CYYR1: variants seen among roughly 807,000 people sequenced by gnomAD.
CYYR1 encodes cysteine and tyrosine rich 1, also known as cysteine and tyrosine-rich protein 1.
CYYR1 carries 14 observed loss-of-function variants against 15.2 expected under a neutral mutation model. That is an observed-to-expected ratio of 0.92 (90% CI 0.61 to 1.44). CYYR1 has a LOEUF of 1.44. CYYR1 is among the 40% of genes most tolerant of loss of function. The probability of loss-of-function intolerance (pLI) is 0.00; values close to 1 mark genes in which losing one functional copy is unlikely to be tolerated. For missense variants in CYYR1, 228 were observed against 209.5 expected (o/e 1.09, Z -0.54); for synonymous variants, 80 against 77.4 (o/e 1.03, Z -0.18).
At position 26,480,418 on chromosome 21, in the gene CYYR1, A is replaced by G. The variant is rs777306100; in HGVS notation, c.188T>C (p.Ile63Thr). The change falls in exon 3 of 4, where the codon ATT becomes ACT. Residue 63 changes from isoleucine (I) to threonine (T), a missense_variant. Coordinates refer to ENST00000652641, the MANE Select transcript of CYYR1 (RefSeq NM_001320768.2). ...YIGNILSGTA[I>T]AGIVFGIVFI... ...TACTATTCCAAAAACAATGCCCGCA[A>G]TTGCAGTGCCCCTAAAAGGAAAAAC... 5.0e-6 allele frequency: 8 copies of G among 1,611,734 alleles called. No individual in the cohort carries two copies. In the Admixed American group the frequency reaches 1.0e-4, roughly 20 times the overall value.
In CYYR1 at chr21:26,509,372, C is replaced by A. The variant is rs2065615105; in HGVS notation, c.177-28943G>T. Among the ~76,000 whole-genome samples the A allele has an allele frequency of 1.3e-5, 2 of 152,176 alleles. 1 individual carries two copies. Among genetic ancestry groups the A allele is most frequent in the South Asian group, 4.1e-4 (2 of 4,832 alleles). Reference sequence around the variant, plus strand: ...TGACCACTGAGTTAAAATTGTGGCACCTAAGCCTTAATAACTTCCTATCCC... The same window carrying A: ...TGACCACTGAGTTAAAATTGTGGCAACTAAGCCTTAATAACTTCCTATCCC... On this transcript the variant is annotated intron_variant, in intron 2 of 3. Transcript: ENST00000652641.
chr21:26,515,519 C>T (rs1299403455), intron 2 of CYYR1, among the ~76,000 whole-genome samples: 4 of 152,058 alleles, frequency 2.6e-5, no homozygotes, highest in Non-Finnish European at 5.9e-5. Flanking sequence ...TACCATCATG[C>T]CCGGCTAATT....
intron 2 of CYYR1, among the ~76,000 whole-genome samples, chr21:26,543,320 C>A (rs1472330958): frequency 6.6e-6 from 1 of 151,974 alleles, no homozygotes; most frequent in African/African-American, 2.4e-5. Context: ...TGCACATGTA[C>A]CCCAGAACTT....
At chr21:26,492,993 G>A (rs564029254) in intron 2 of CYYR1, among the ~76,000 whole-genome samples, 8 of 152,238 alleles carry the variant, frequency 5.3e-5, no homozygotes, top group Non-Finnish European at 1.2e-4. Flanking sequence ...ATGTGTGTGT[G>A]TGAAAGGGTA....
intron 2 of CYYR1, among the ~76,000 whole-genome samples, chr21:26,515,791 A>T (rs906180981): frequency 1.3e-5 from 2 of 152,220 alleles, no homozygotes; most frequent in African/African-American, 2.4e-5. Context: ...TCATTCACAC[A>T]AAAGACATGC....
intron 2 of CYYR1, among the ~76,000 whole-genome samples, chr21:26,530,168 G>A (rs1158462093): frequency 1.3e-5 from 2 of 152,126 alleles, no homozygotes; most frequent in Non-Finnish European, 1.5e-5. Context: ...TGTTCTGAAA[G>A]CCAACTGAGT....
At chr21:26,517,214 AATAAAATGAGTTATT>A (rs1313340210) in intron 2 of CYYR1, among the ~76,000 whole-genome samples, 1 of 151,918 alleles carries the variant, frequency 6.6e-6, no homozygotes, top group African/African-American at 2.4e-5. Flanking sequence ...GGTACCTATC[AATAAAATGAGTTATT>A]GTGAAAGAAA....
At chr21:26,501,105 C>A (rs1365370534) in intron 2 of CYYR1, among the ~76,000 whole-genome samples, 1 of 152,100 alleles carries the variant, frequency 6.6e-6, no homozygotes, top group Non-Finnish European at 1.5e-5. Context: ...TTTGGGAGGC[C>A]AAGGCAGGCA....
chr21:26,524,406 C>T (rs544622623), intron 2 of CYYR1, among the ~76,000 whole-genome samples: 10 of 152,104 alleles, frequency 6.6e-5, no homozygotes, highest in South Asian at 2.1e-4. Context: ...ATGTTTTGGC[C>T]GCTCCAATCA....
intron 1 of CYYR1, among the ~76,000 whole-genome samples, chr21:26,570,726 A>G (rs1316940638): frequency 6.6e-6 from 1 of 152,218 alleles, no homozygotes; most frequent in East Asian, 1.9e-4. Context: ...ATTTAATAGT[A>G]TGAACTATTT....
chr21:26,491,381 T>C (rs191033782), intron 2 of CYYR1, among the ~76,000 whole-genome samples: 1 of 152,280 alleles, frequency 6.6e-6, no homozygotes, highest in Admixed American at 6.5e-5. Flanking sequence ...ACTGGTTTTT[T>C]AATAGTGACT....
chr21:26,495,140 T>C (rs925471624), intron 2 of CYYR1, among the ~76,000 whole-genome samples: 2 of 152,228 alleles, frequency 1.3e-5, no homozygotes, highest in East Asian at 3.8e-4. Flanking sequence ...ACATAACTTA[T>C]GTTGCCTATG....
chr21:26,535,484 T>G (rs1256315194), intron 2 of CYYR1, among the ~76,000 whole-genome samples: 2 of 152,182 alleles, frequency 1.3e-5, no homozygotes, highest in Non-Finnish European at 1.5e-5. Context: ...ATTTTGCTAT[T>G]ATAAACAACA....
intron 2 of CYYR1, among the ~76,000 whole-genome samples, chr21:26,530,530 G>A (rs900971151): frequency 1.3e-5 from 2 of 151,926 alleles, no homozygotes; most frequent in African/African-American, 4.8e-5. Flanking sequence ...TGTTACATAT[G>A]TATACACGTG....
chr21:26,481,591 G>C (rs34802119), intron 2 of CYYR1, among the ~76,000 whole-genome samples: 2 of 151,756 alleles, frequency 1.3e-5, no homozygotes, highest in African/African-American at 4.8e-5. Context: ...AATATTCCAC[G>C]GTGTGTATGT....
intron 2 of CYYR1, among the ~76,000 whole-genome samples, chr21:26,486,460 T>C (rs1248333490): frequency 6.6e-6 from 1 of 152,010 alleles, no homozygotes; most frequent in Non-Finnish European, 1.5e-5. Context: ...TAGATTTAGG[T>C]TGAGGTTCAT....
chr21:26,562,189 G>A (rs1980248227), intron 2 of CYYR1, among the ~76,000 whole-genome samples: 2 of 152,068 alleles, frequency 1.3e-5, no homozygotes, highest in Admixed American at 1.3e-4. Flanking sequence ...TCGGGTAGTT[G>A]CCCTCATGTT....
At chr21:26,482,364 A>G (rs1209187729) in intron 2 of CYYR1, 5 of 985,198 alleles carry the variant, frequency 5.1e-6, no homozygotes, top group Admixed American at 6.2e-5. Context: ...CCACATTATC[A>G]GTAGCTTTTT....
chr21:26,532,715 G>A (rs2065947304), intron 2 of CYYR1, among the ~76,000 whole-genome samples: 1 of 152,062 alleles, frequency 6.6e-6, no homozygotes, highest in South Asian at 2.1e-4. Flanking sequence ...TTTCAACTAA[G>A]TACTTATGTA....
Sources: allele counts gnomAD v4.1 joint callset (sites outside exome capture counted in the v4.1 genomes callset), GRCh38; gene constraint gnomAD v4.1.1; transcripts MANE v1.5; gene names NCBI Gene and HGNC (gene_info 2026-07-23, HGNC 2026-07-21).